Variants in PAK4 observed in about 807,000 individuals in gnomAD.
PAK4 encodes serine/threonine-protein kinase PAK 4.
Under a neutral mutation model 53.5 loss-of-function variants are expected in PAK4, and 49 were observed. The observed-to-expected ratio is 0.92, with a 90% CI of 0.73 to 1.16. The LOEUF (loss-of-function observed/expected upper bound fraction) is 1.16. PAK4 is among the 50% of genes most tolerant of loss of function. The pLI, the probability that PAK4 is intolerant of heterozygous loss-of-function variation, is 0.00. For missense variants in PAK4, 824 were observed against 850.7 expected (o/e 0.97, Z 0.39); for synonymous variants, 376 against 375.6 (o/e 1.00, Z -0.01).
intron 1 of PAK4, among the ~76,000 whole-genome samples, chr19:39,130,171 C>T (rs1245528127): frequency 1.9e-4 from 24 of 126,064 alleles, no homozygotes; most frequent in African/African-American, 7.4e-4. Flanking sequence ...TGGTGGGACC[C>T]AGGCAGATGG....
intron 1 of PAK4, among the ~76,000 whole-genome samples, chr19:39,138,917 A>T (rs1037900500): frequency 3.3e-5 from 5 of 152,078 alleles, no homozygotes; most frequent in African/African-American, 1.2e-4. Context: ...GGCTGGCAGG[A>T]TATGGGGATA....
chr19:39,140,657 C>T (rs149809262), intron 1 of PAK4, among the ~76,000 whole-genome samples: 1,581 of 152,254 alleles, frequency 0.01, 21 homozygotes, highest in Middle Eastern at 0.027. Flanking sequence ...CTGATGGTCC[C>T]GTATGTCCCC....
chr19:39,176,556 C>T, intron 6 of PAK4, 34 bp from the exon 8 acceptor site: 1 of 1,613,076 alleles, frequency 6.2e-7, no homozygotes. Flanking sequence ...GCTGTGCCAG[C>T]TCCTCTGACC....
At chr19:39,154,211 T>C (rs1568510375) in intron 1 of PAK4, among the ~76,000 whole-genome samples, 1 of 152,180 alleles carries the variant, frequency 6.6e-6, no homozygotes, top group African/African-American at 2.4e-5. Context: ...TGCTGGAGTG[T>C]GTACCCAGGA....
intron 2 of PAK4, 133 bp from the exon 4 acceptor site, chr19:39,172,785 C>A: frequency 1.3e-6 from 1 of 782,150 alleles, no homozygotes; most frequent in Non-Finnish European, 2.0e-6. Context: ...CATTGTCACT[C>A]CATGGCATCT....
At chr19:39,127,887 A>G (rs1273756247) in intron 1 of PAK4, among the ~76,000 whole-genome samples, 1 of 152,148 alleles carries the variant, frequency 6.6e-6, no homozygotes, top group East Asian at 1.9e-4. Context: ...GTGTGTGCAG[A>G]GGCCCTGGCA....
At chr19:39,132,102 G>T (rs890915340) in intron 1 of PAK4, among the ~76,000 whole-genome samples, 10 of 152,216 alleles carry the variant, frequency 6.6e-5, no homozygotes, top group African/African-American at 2.4e-4. Context: ...AGCTCCACGT[G>T]CCAGGCACGC....
chr19:39,131,545 C>T (rs471217), intron 1 of PAK4, among the ~76,000 whole-genome samples: 3,620 of 152,270 alleles, frequency 0.024, 147 homozygotes, highest in African/African-American at 0.083. Flanking sequence ...GTCACCCATC[C>T]GGGGCCAAGG....
chr19:39,148,466 C>CTTTTTTTTTTTTTTTTTTTTTTTTCT (rs74176491), intron 1 of PAK4, among the ~76,000 whole-genome samples: 1 of 56,786 alleles, frequency 1.8e-5, no homozygotes, highest in Non-Finnish European at 2.9e-5. Context: ...GTTTCTTCTG[C>CTTTTTTTTTTTTTTTTTTTTTTTTCT]TTTTTTTTTT....
rs1568533996 is a variant in PAK4, at chr19:39,178,390, C to T, written c.1621-34C>T. ...CCTACAGCAAATGAACAGTGGGGAGCCTCGCCCCCTGACCCTCCCCTCCTT... is the reference window on the plus strand; with the variant it reads ...CCTACAGCAAATGAACAGTGGGGAGTCTCGCCCCCTGACCCTCCCCTCCTT... On this transcript the variant is annotated intron_variant, in intron 8 of 8. Transcript: ENST00000358301. This position sits in a 1 kb window ranked among gnomAD's most constrained non-coding sequence, Gnocchi z 4.4. The T allele has an allele frequency of 3.2e-6, 5 of 1,555,262 alleles. No homozygotes were observed. The East Asian group carries it at 7.2e-5, about 23-fold the overall frequency.
chr19:39,175,251 T>C lies in PAK4; in HGVS notation c.1233-61T>C. ...CCTCCCACTGCAAGGCAGGGCTGCG[T>C]CCCCCTCGGCACCCCGGGGTGCTGT... On this transcript the variant is annotated intron_variant, in intron 5 of 8. Transcript: ENST00000358301. The surrounding 1 kb of genome is among the most constrained non-coding windows in gnomAD (Gnocchi z 4.7). 6.6e-7 allele frequency: 1 copy of C among 1,519,988 alleles called. No homozygotes were observed. The highest frequency in any genetic ancestry group is 8.9e-7 in the Non-Finnish European group (1 of 1,121,516). 94.2% of individuals were successfully genotyped at this position (1,519,988 alleles called of 1,614,324 possible).
chr19:39,128,236 G>C lies in PAK4; in HGVS notation c.-23+2317G>C, dbSNP rs76450822. ...CTAGAGAGCCTTGGCCCAAGGCCTG[G>C]CATACAGTAGTTGCTGTGTAAGCAT... On this transcript the variant is annotated intron_variant, in intron 1 of 8. Coordinates refer to ENST00000358301, the Ensembl canonical transcript of PAK4. Among the ~76,000 whole-genome samples, 716 of 152,290 alleles carry C rather than the reference G, an allele frequency of 4.7e-3. 9 individuals are homozygous for C. Among genetic ancestry groups the C allele is most frequent in the African/African-American group, 0.016 (679 of 41,556 alleles).
chr19:39,166,945 G>C (rs2074385599), intron 1 of PAK4, among the ~76,000 whole-genome samples: 2 of 152,252 alleles, frequency 1.3e-5, no homozygotes, highest in Non-Finnish European at 2.9e-5. Context: ...CCAGAGGGAA[G>C]GGGTGGCCCC....
intron 1 of PAK4, among the ~76,000 whole-genome samples, chr19:39,143,613 AAAAAAAAAAAG>A (rs2073948802): frequency 6.9e-6 from 1 of 144,844 alleles, no homozygotes; most frequent in East Asian, 2.0e-4. Context: ...AAAAAAAAAA[AAAAAAAAAAAG>A]AATTGTTGAG....
intron 1 of PAK4, among the ~76,000 whole-genome samples, chr19:39,167,511 G>A (rs1244779800): frequency 1.3e-5 from 2 of 152,092 alleles, no homozygotes; most frequent in East Asian, 3.9e-4. Flanking sequence ...GCCAGCATTG[G>A]GCTCAGAGAA....
intron 1 of PAK4, among the ~76,000 whole-genome samples, chr19:39,128,404 G>A (rs1011330390): frequency 6.6e-6 from 1 of 152,136 alleles, no homozygotes; most frequent in Non-Finnish European, 1.5e-5. Context: ...TCAGGGAGCC[G>A]GCACACTGCC....
chr19:39,169,203 G>A (rs146758787), intron 1 of PAK4, among the ~76,000 whole-genome samples: 1,613 of 151,872 alleles, frequency 0.011, 9 homozygotes, highest in Non-Finnish European at 0.018. Context: ...TGGGAAGTGA[G>A]CTCCTGGCAG....
At chr19:39,158,240 C>T (rs960025655) in intron 1 of PAK4, among the ~76,000 whole-genome samples, 17 of 150,070 alleles carry the variant, frequency 1.1e-4, no homozygotes, top group African/African-American at 3.8e-4. Context: ...CATGTGTGTG[C>T]GCGCATGTGT....
chr19:39,150,946 C>T (rs2074084399), intron 1 of PAK4, among the ~76,000 whole-genome samples: 1 of 152,108 alleles, frequency 6.6e-6, no homozygotes. Flanking sequence ...GCCCACACTG[C>T]ACTTCTGCCC....
Sources: allele counts gnomAD v4.1 joint callset (sites outside exome capture counted in the v4.1 genomes callset), GRCh38; gene constraint gnomAD v4.1.1; non-coding constraint Gnocchi (gnomAD v3.1); transcripts MANE v1.5; gene names NCBI Gene and HGNC (gene_info 2026-07-23, HGNC 2026-07-21).